CDC42BPG: variants seen among roughly 807,000 people sequenced by gnomAD.
CDC42BPG encodes the protein serine/threonine-protein kinase MRCK gamma.
Under a neutral mutation model 192.2 loss-of-function variants are expected in CDC42BPG, and 157 were observed. The observed-to-expected ratio is 0.82, with a 90% confidence interval of 0.72 to 0.93. The LOEUF is 0.93. CDC42BPG is among the 40% of genes least tolerant of loss of function. The pLI is 0.00. For missense variants in CDC42BPG, 1,992 were observed against 2,122.1 expected (o/e 0.94, Z 1.20); for synonymous variants, 981 against 918.5 (o/e 1.07, Z -1.23).
chr11:64,829,983 CCG>C lies in CDC42BPG; in HGVS notation c.3453_3454del (p.Gly1152ProfsTer69). 6.2e-7 allele frequency: 1 copy of C among 1,612,924 alleles called. No individual in the cohort carries two copies. Among genetic ancestry groups the C allele is most frequent in the Non-Finnish European group, 8.5e-7 (1 of 1,179,870 alleles). On this transcript the variant is annotated frameshift_variant, in exon 30 of 37. Transcript: ENST00000342711. LOFTEE classifies it high-confidence loss of function. ...CAGGGCAAAGAGACGCACGCTGGGG[CCG>C]CGGCCACACAGCACGACCAGCAGGC...
rs775011367 is a variant in CDC42BPG, at chr11:64,832,887, C to T, written c.2804G>A (p.Arg935His). 6.1e-5 allele frequency: 95 copies of T among 1,553,878 alleles called. No homozygotes were observed. The highest frequency in any genetic ancestry group is 6.4e-5 in the Non-Finnish European group (73 of 1,148,766). Residue 935 changes from arginine to histidine, a missense_variant, in exon 25 of 37, where the codon CGC becomes CAC. Around this residue, in one of 2 missense-constraint regions of CDC42BPG, gnomAD observed 1,656 missense variants for 1,844.3 expected, o/e 0.90. Transcript: ENST00000342711. ...TTCGGGGTGTACTCCCAGGGCTGTG[C>T]GGAGGAGGTCAGGGGGCACGGGGCA... ...PPCPVPPDLL[R>H]TALGVHPETG...
At position 64,830,681 on chromosome 11, in the gene CDC42BPG, C is replaced by T. The variant is rs1244395082; in HGVS notation, c.3305-425G>A. The stretch of plus-strand genomic sequence containing the variant: ...CTCCTGTGTCTCCCGCCCTGAGAGC[C>T]GGGCCTGGCTCAGGGCCTCAGCTGC... On this transcript the variant is annotated intron_variant, in intron 28 of 36. Coordinates refer to ENST00000342711, the MANE Select transcript of CDC42BPG (RefSeq NM_017525.3). Among the ~76,000 whole-genome samples, 5 of 152,230 alleles carry T rather than the reference C, an allele frequency of 3.3e-5. No homozygotes were observed. The East Asian group carries it at 5.8e-4, about 18-fold the overall frequency.
In CDC42BPG at chr11:64,835,381, T is replaced by C. The variant is rs747224831; in HGVS notation, c.1919A>G (p.Glu640Gly). 11 of 1,613,930 alleles carry C rather than the reference T, an allele frequency of 6.8e-6. No homozygotes were observed. The highest frequency in any genetic ancestry group is 9.3e-6 in the Non-Finnish European group (11 of 1,180,012). The part of the protein sequence containing the change: ...GKEEALCQLQ[E>G]ENRRLSREQE... ...CTCCCGGCTCAGCCTCCGGTTTTCC[T>C]CCTGCAGCTGGCACAGAGCCTCCTC... The change falls in exon 16 of 37, where the codon GAG becomes GGG. Residue 640 changes from glutamate (E) to glycine (G), a missense_variant. This residue lies in a region of CDC42BPG where 1,656 missense variants were observed against 1,844.3 expected (regional missense o/e 0.90). Transcript: ENST00000342711.
In CDC42BPG at chr11:64,835,044, C is replaced by T. The variant is rs1164401578; in HGVS notation, c.2060+3G>A. 1.2e-6 allele frequency: 2 copies of T among 1,606,196 alleles called. No homozygotes were observed. Among genetic ancestry groups the T allele is most frequent in the African/African-American group, 1.3e-5 (1 of 74,884 alleles). ...CCCACCCCGACCCACCCCTGGCACCCACCAGCTGAGGATGTCGGCGAGCTG... is the reference window on the plus strand; with the variant it reads ...CCCACCCCGACCCACCCCTGGCACCTACCAGCTGAGGATGTCGGCGAGCTG... On this transcript the variant is annotated splice_donor_region_variant and intron_variant, in intron 17 of 36. Transcript: ENST00000342711.
Position 64,832,472 on chromosome 11 carries a change from C to G in CDC42BPG, c.3043G>C (p.Asp1015His). 1 of 1,614,110 alleles carries G rather than the reference C, an allele frequency of 6.2e-7. No homozygotes were observed. The highest frequency in any genetic ancestry group is 8.5e-7 in the Non-Finnish European group (1 of 1,180,004). Residue 1015 changes from aspartate to histidine, a missense_variant, in exon 27 of 37, where the codon GAT becomes CAT. Physicochemically the swap from Asp to His is moderately conservative, Grantham distance 81. Around this residue, in one of 2 missense-constraint regions of CDC42BPG, gnomAD observed 1,656 missense variants for 1,844.3 expected, o/e 0.90. Coordinates refer to ENST00000342711, the MANE Select transcript of CDC42BPG (RefSeq NM_017525.3). ...QFSATPVLAS[D>H]VIHAQSRDLP... is the part of the protein sequence containing the mutation. ...TCCCTGGATTGGGCATGGATAACAT[C>G]AGAGGCCAGGACAGGGGTAGCCGAG...
At chr11:64,840,438 G>T (rs1796048773) in intron 4 of CDC42BPG, 115 bp downstream of exon 4, 2 of 1,380,528 alleles carry the variant, frequency 1.4e-6, no homozygotes, top group African/African-American at 1.4e-5. Context: ...CTGGTGGGAA[G>T]TGGGAGTCTC....
In CDC42BPG at chr11:64,838,806, G is replaced by C; in HGVS notation, c.973C>G (p.Arg325Gly). 6.2e-7 allele frequency: 1 copy of C among 1,612,756 alleles called. No individual in the cohort carries two copies. The highest frequency in any genetic ancestry group is 8.5e-7 in the Non-Finnish European group (1 of 1,180,004). The change falls in exon 8 of 37, where the codon CGT becomes GGT. Residue 325 changes from arginine to glycine, a missense_variant. By Grantham distance (125) the Arg-to-Gly change is moderately radical. This residue lies in a region of CDC42BPG where 1,656 missense variants were observed against 1,844.3 expected (regional missense o/e 0.90). Transcript: ENST00000342711. ...LLCRQEERLGRGGLDDFRNHP... is the reference protein window; with the variant it reads ...LLCRQEERLGGGGLDDFRNHP... ...TTCCGGAAGTCATCCAGCCCACCAC[G>C]GCCTAGCCGCTCTTCCTGGCGACAC...
In CDC42BPG at chr11:64,839,081, G is replaced by A. The variant is rs1260918961; in HGVS notation, c.828C>T (p.Phe276=). Reference sequence around the variant, plus strand: ...AGGTTTCCACCAAGGACTCAGCATAGAAGGGCGTCTCCCCAAAGAGCAGCT... The same window carrying A: ...AGGTTTCCACCAAGGACTCAGCATAAAAGGGCGTCTCCCCAAAGAGCAGCT... The part of the protein sequence containing the change: ...AYELLFGETP[F]YAESLVETYG... The change falls in exon 7 of 37, where the codon TTC becomes TTT. Residue 276 remains phenylalanine, a synonymous_variant. Transcript: ENST00000342711. 2 of 1,613,698 alleles carry A rather than the reference G, an allele frequency of 1.2e-6. No individual in the cohort carries two copies. The highest frequency in any genetic ancestry group is 1.1e-5 in the South Asian group (1 of 91,092).
At chr11:64,830,340 CTGTT>C (rs1161879112) in intron 28 of CDC42BPG, 84 bp from the exon 29 acceptor site, 12 of 1,162,428 alleles carry the variant, frequency 1.0e-5, no homozygotes, top group Non-Finnish European at 1.3e-5. Flanking sequence ...CCTGCTGTGC[CTGTT>C]TATCTTGAGG....
intron 1 of CDC42BPG, among the ~76,000 whole-genome samples, 186 bp downstream of exon 1, chr11:64,844,220 GGAGT>G (rs1233854258): frequency 6.6e-6 from 1 of 151,980 alleles, no homozygotes. Flanking sequence ...TGTGAGAATT[GGAGT>G]GAGGGTGAGG....
At chr11:64,834,220 C>T in intron 20 of CDC42BPG, 46 bp downstream of exon 20, 1 of 1,519,320 alleles carries the variant, frequency 6.6e-7, no homozygotes, top group Non-Finnish European at 8.8e-7. Context: ...AAGTGGGAGG[C>T]CGCGGGGGAG....
At chr11:64,836,007 T>G in intron 13 of CDC42BPG, 110 bp downstream of exon 13, 1 of 1,379,782 alleles carries the variant, frequency 7.2e-7, no homozygotes. Context: ...TGGCCTAGCC[T>G]CTGCCAGCTA....
Position 64,824,360 on chromosome 11 carries a change from T to C in CDC42BPG, c.*113A>G. 1.2e-6 allele frequency: 1 copy of C among 842,036 alleles called. No homozygotes were observed. The highest frequency in any genetic ancestry group is 1.7e-5 in the Admixed American group (1 of 58,444). 52.2% of individuals were successfully genotyped at this position (842,036 alleles called of 1,614,324 possible). On this transcript the variant is annotated 3_prime_UTR_variant, in exon 37 of 37. Transcript: ENST00000342711. Reference sequence around the variant, plus strand: ...CCCAGTCATTGCCCAGCCCGGGTCCTCCCTGAGTCCGAATTTCCATGTCCC... The same window carrying C: ...CCCAGTCATTGCCCAGCCCGGGTCCCCCCTGAGTCCGAATTTCCATGTCCC...
At position 64,832,874 on chromosome 11, in the gene CDC42BPG, T is replaced by C. The variant is rs1942768111; in HGVS notation, c.2817A>G (p.Gly939=). 6.4e-7 allele frequency: 1 copy of C among 1,563,384 alleles called. No individual in the cohort carries two copies. The highest frequency in any genetic ancestry group is 8.7e-7 in the Non-Finnish European group (1 of 1,154,236). ...TGCCTGTGCCTGTTTCGGGGTGTAC[T>C]CCCAGGGCTGTGCGGAGGAGGTCAG... The part of the protein sequence containing the change: ...VPPDLLRTAL[G]VHPETGTGTA... Residue 939 remains glycine, a synonymous_variant, in exon 25 of 37, where the codon GGA becomes GGG. Transcript: ENST00000342711.
In CDC42BPG at chr11:64,833,766, G is replaced by A. The variant is rs138350551; in HGVS notation, c.2537C>T (p.Pro846Leu). The change falls in exon 22 of 37, where the codon CCG (proline) becomes CTG (leucine). Residue 846 changes from proline to leucine, a missense_variant. Pro to Leu is a moderately conservative substitution (Grantham distance 98). Around this residue, in one of 2 missense-constraint regions of CDC42BPG, gnomAD observed 1,656 missense variants for 1,844.3 expected, o/e 0.90. Transcript: ENST00000342711. The part of the protein sequence containing the change: ...TRHGGEPDLR[P>L]EGRRSLRMGA... ...CATGCGCAGGCTGCGTCGGCCCTCC[G>A]GCCTCAGATCTGGCTCTCCTCCATG... 5.5e-5 allele frequency: 89 copies of A among 1,614,156 alleles called. No homozygotes were observed. The African/African-American group carries it at 7.2e-4, about 13-fold the overall frequency.
intron 30 of CDC42BPG, among the ~76,000 whole-genome samples, chr11:64,828,363 G>A (rs1383292570): frequency 6.6e-6 from 1 of 152,220 alleles, no homozygotes; most frequent in Non-Finnish European, 1.5e-5. Context: ...GGGGCTTGAT[G>A]TGGATGAGGA....
chr11:64,834,219 G>T (rs1299259276), intron 20 of CDC42BPG, 47 bp downstream of exon 20: 1 of 1,516,302 alleles, frequency 6.6e-7, no homozygotes, highest in Non-Finnish European at 8.8e-7. Context: ...CAAGTGGGAG[G>T]CCGCGGGGGA....
At chr11:64,826,974 G>T in intron 34 of CDC42BPG, 76 bp downstream of exon 34, 2 of 1,226,442 alleles carry the variant, frequency 1.6e-6, no homozygotes, top group East Asian at 2.3e-5. Flanking sequence ...CCCGTGATTG[G>T]CTAGAGCTCA....
rs756402540 is a variant in CDC42BPG at position 64,832,809 on chromosome 11, C to A, written c.2865+17G>T. The A allele has an allele frequency of 6.3e-7, 1 of 1,588,034 alleles. No individual in the cohort carries two copies. The highest frequency in any genetic ancestry group is 2.4e-5 in the East Asian group (1 of 42,522). On this transcript the variant is annotated intron_variant, in intron 25 of 36. Coordinates refer to ENST00000342711, the MANE Select transcript of CDC42BPG (RefSeq NM_017525.3). ...AGCCCCCCATGCCCATCTTCCCCTC[C>A]CTCGGCCCCCACTCACCGACAGAAA... is the stretch of plus-strand genomic sequence containing the variant.
Sources: allele counts gnomAD v4.1 joint callset (sites outside exome capture counted in the v4.1 genomes callset), GRCh38; gene constraint gnomAD v4.1.1; regional missense constraint gnomAD v4.1.1; transcripts MANE v1.5; gene names NCBI Gene and HGNC (gene_info 2026-07-23, HGNC 2026-07-21).